ATP2C2: variants seen among roughly 807,000 people sequenced by gnomAD.
ATP2C2 encodes calcium-transporting ATPase type 2C member 2.
A neutral mutation model predicts 110.8 loss-of-function variants in ATP2C2; 171 were observed. That is an observed-to-expected ratio of 1.54 (90% confidence interval 1.36 to 1.75). The LOEUF (loss-of-function observed/expected upper bound fraction) is 1.75. Ranked by LOEUF, ATP2C2 falls within the 40% of genes most tolerant of loss-of-function variation. The probability of loss-of-function intolerance (pLI) is 0.00; values close to 1 mark genes in which losing one functional copy is unlikely to be tolerated. For missense variants in ATP2C2, 1,963 were observed against 1,235.0 expected, an observed-to-expected ratio of 1.59 and a Z score of -8.84; for synonymous variants, 804 against 508.4, an observed-to-expected ratio of 1.58 and a Z score of -7.82.
In ATP2C2 at chr16:84,462,033, C is replaced by T. The variant is rs754807289; in HGVS notation, c.2626C>T (p.Leu876Phe). ...CGGCTTTCTCAGGAACCACATGTTC[C>T]TCTACTCCGTCCTGGGGTCCATCCT... is the stretch of plus-strand genomic sequence containing the variant. The part of the protein sequence containing the change: ...EIGFLRNHMF[L>F]YSVLGSILGQ... The change falls in exon 26 of 27, where the codon CTC becomes TTC. Residue 876 changes from leucine to phenylalanine, a missense_variant. By Grantham distance (22) the Leu-to-Phe change is conservative. Coordinates refer to ENST00000262429, the MANE Select transcript of ATP2C2 (RefSeq NM_014861.4). 9.3e-5 allele frequency: 150 copies of T among 1,614,088 alleles called. No homozygotes were observed. Among genetic ancestry groups the T allele is most frequent in the Middle Eastern group, 6.6e-4 (4 of 6,060 alleles).
intron 21 of ATP2C2, 103 bp from the exon 22 acceptor site, chr16:84,459,014 TAAC>T (rs1416438209): frequency 8.0e-7 from 1 of 1,244,156 alleles, no homozygotes; most frequent in African/African-American, 1.5e-5. Context: ...GGCCCAAGTA[TAAC>T]ATCAATCTGG....
chr16:84,417,018 G>C (rs749164204), intron 7 of ATP2C2, among the ~76,000 whole-genome samples: 1 of 152,210 alleles, frequency 6.6e-6, no homozygotes, highest in South Asian at 2.1e-4. Flanking sequence ...GGCCGTATGA[G>C]AGGTGGCCAA....
At chr16:84,413,626 T>A (rs111426581) in intron 6 of ATP2C2, among the ~76,000 whole-genome samples, 4 of 152,316 alleles carry the variant, frequency 2.6e-5, no homozygotes, top group African/African-American at 9.6e-5. Context: ...GTGAATAGCG[T>A]GCATTATTGA....
chr16:84,438,570 G>C (rs74038232), intron 11 of ATP2C2, among the ~76,000 whole-genome samples: 2,704 of 152,320 alleles, frequency 0.018, 82 homozygotes, highest in African/African-American at 0.063. Flanking sequence ...CTGGTTATGA[G>C]AGAGTGGGGT....
chr16:84,440,367 AG>A (rs1217331157), intron 13 of ATP2C2, among the ~76,000 whole-genome samples: 3 of 152,362 alleles, frequency 2.0e-5, no homozygotes, highest in South Asian at 4.1e-4. Flanking sequence ...GGCCAAACCA[AG>A]GGGTGAACAG....
At chr16:84,396,091 T>C (rs919193260) in intron 1 of ATP2C2, among the ~76,000 whole-genome samples, 6 of 152,140 alleles carry the variant, frequency 3.9e-5, no homozygotes, top group African/African-American at 1.4e-4. Flanking sequence ...GTCTGGCTTA[T>C]TTCACCAGGC....
At chr16:84,382,894 T>TAAAAAAAA (rs1170344466) in intron 1 of ATP2C2, among the ~76,000 whole-genome samples, 1 of 91,758 alleles carries the variant, frequency 1.1e-5, no homozygotes. Context: ...AGACTCCATC[T>TAAAAAAAA]AAAAAAAAAA....
At chr16:84,425,185 G>A (rs1377244309) in intron 10 of ATP2C2, among the ~76,000 whole-genome samples, 1 of 152,162 alleles carries the variant, frequency 6.6e-6, no homozygotes, top group Non-Finnish European at 1.5e-5. Flanking sequence ...CTCCAAGGGT[G>A]TCACCTGGCA....
rs4782962 is a variant in ATP2C2, at chr16:84,431,647, C to G, written c.986+5846C>G. ...AAAGGTTTGGGGGTGGGAACATATC[C>G]GAGGGTCACTTGGGGGGGACCACAG... On this transcript the variant is annotated intron_variant, in intron 11 of 26. Transcript: ENST00000262429. Among the ~76,000 whole-genome samples, 724 of 151,068 alleles carry G rather than the reference C, an allele frequency of 4.8e-3. 8 individuals are homozygous for G. The highest frequency in any genetic ancestry group is 0.017 in the African/African-American group (704 of 41,056).
Position 84,452,111 on chromosome 16 carries a change from G to A in ATP2C2, c.1831+20G>A, listed in dbSNP as rs778250127. ...CCATAGGTAACTGGGACAGGGTCGG[G>A]GGTGAGGACGAAAGGACCCATCCAT... On this transcript the variant is annotated intron_variant, in intron 18 of 26. Transcript: ENST00000262429. The A allele has an allele frequency of 6.2e-7, 1 of 1,613,484 alleles. No homozygotes were observed. Among genetic ancestry groups the A allele is most frequent in the East Asian group, 2.2e-5 (1 of 44,866 alleles).
chr16:84,406,801 G>A (rs1712898239), intron 3 of ATP2C2, among the ~76,000 whole-genome samples: 1 of 152,062 alleles, frequency 6.6e-6, no homozygotes, highest in Admixed American at 6.5e-5. Context: ...AGATCTCTTT[G>A]CTCTGCCCTG....
intron 2 of ATP2C2, among the ~76,000 whole-genome samples, chr16:84,399,915 T>C (rs188639993): frequency 6.6e-6 from 1 of 152,338 alleles, no homozygotes; most frequent in East Asian, 1.9e-4. Flanking sequence ...TTCTCCCAAC[T>C]ACCCTTTCCA....
At chr16:84,369,171 G>A (rs1909806108) in intron 1 of ATP2C2, among the ~76,000 whole-genome samples, 1 of 152,254 alleles carries the variant, frequency 6.6e-6, no homozygotes, top group Non-Finnish European at 1.5e-5. Flanking sequence ...CAAAGTTGGA[G>A]CTGAGGGACC....
At chr16:84,385,351 A>G (rs1308137078) in intron 1 of ATP2C2, among the ~76,000 whole-genome samples, 1 of 152,194 alleles carries the variant, frequency 6.6e-6, no homozygotes, top group Non-Finnish European at 1.5e-5. Flanking sequence ...TTCATGAGAT[A>G]TCCTTCCCCA....
intron 13 of ATP2C2, among the ~76,000 whole-genome samples, chr16:84,440,013 T>C (rs1156804397): frequency 6.6e-6 from 1 of 152,216 alleles, no homozygotes; most frequent in African/African-American, 2.4e-5. Context: ...TTTTGTATTT[T>C]CTAGTAGAGA....
intron 1 of ATP2C2, among the ~76,000 whole-genome samples, chr16:84,396,107 A>G (rs765876679): frequency 3.2e-4 from 49 of 152,122 alleles, no homozygotes; most frequent in Non-Finnish European, 5.9e-4. Flanking sequence ...CAGGCATAAC[A>G]TCTTCAAGGT....
chr16:84,381,469 C>T (rs1910574839), intron 1 of ATP2C2, among the ~76,000 whole-genome samples: 1 of 152,012 alleles, frequency 6.6e-6, no homozygotes, highest in Non-Finnish European at 1.5e-5. Flanking sequence ...CCCAGCTACT[C>T]AGGAGGCTGA....
At chr16:84,461,410 T>G in intron 24 of ATP2C2, 1 of 515,398 alleles carries the variant, frequency 1.9e-6, no homozygotes, top group South Asian at 2.4e-5. Flanking sequence ...ACCTTCACTC[T>G]GGGTTTAACT....
intron 1 of ATP2C2, among the ~76,000 whole-genome samples, chr16:84,396,706 G>A (rs1905005497): frequency 1.3e-5 from 2 of 151,858 alleles, no homozygotes; most frequent in Non-Finnish European, 2.9e-5. Context: ...TATTTGGTAC[G>A]ACGGGAGCAG....
Sources: gnomAD v4.1 joint callset for allele counts (sites outside exome capture counted in the v4.1 genomes callset) on GRCh38, gnomAD v4.1.1 for gene constraint, MANE v1.5 for transcripts, NCBI Gene and HGNC (gene_info 2026-07-23, HGNC 2026-07-21) for gene names.